Variants in SCART1 observed in about 807,000 individuals in gnomAD.
SCART1 encodes the protein scavenger receptor family member expressed on T cells 1.
SCART1 carries 62 observed loss-of-function variants against 36.2 expected under a neutral mutation model. That is an observed-to-expected ratio of 1.71 (90% CI 1.40 to 2.12). SCART1 has a LOEUF of 2.12. Ranked by LOEUF, SCART1 falls within the 30% of genes most tolerant of loss-of-function variation. SCART1 has a pLI of 0.00. For missense variants in SCART1, 1,041 were observed against 540.5 expected, an observed-to-expected ratio of 1.93 and a Z score of -9.18; for synonymous variants, 487 against 238.7, an observed-to-expected ratio of 2.04 and a Z score of -9.59.
chr10:133,468,292 G>A (rs909489189), exon 12 of SCART1: 4 of 208,092 alleles, frequency 1.9e-5, no homozygotes, highest in Non-Finnish European at 3.8e-5. Context: ...TCCACAGCTC[G>A]CTTCTGGCAC....
At chr10:133,457,229 T>C (rs780606188) in intron 2 of SCART1, 50 bp from the exon 3 acceptor site, 1 of 685,026 alleles carries the variant, frequency 1.5e-6, no homozygotes. Flanking sequence ...CGAGTGACCA[T>C]GCGGCCAGCT....
exon 6 of SCART1, chr10:133,459,804 G>A: frequency 1.5e-6 from 1 of 648,594 alleles, no homozygotes; most frequent in South Asian, 1.7e-5. Context: ...GGTGTGCTCC[G>A]GTGAGGTCGG....
chr10:133,460,472 A>ATATATATATATATATATATATTTTGTTT (rs1491383921), intron 6 of SCART1, among the ~76,000 whole-genome samples: 1,098 of 8,898 alleles, frequency 0.12, 27 homozygotes, highest in Middle Eastern at 0.55. Context: ...TCCGAAATTC[A>ATATATATATATATATATATATTTTGTTT]TATATATATA....
At chr10:133,457,289 C>T in exon 3 of SCART1, 1 of 700,884 alleles carries the variant, frequency 1.4e-6, no homozygotes, top group South Asian at 1.5e-5. Flanking sequence ...ACGGCACTTT[C>T]CGGGAGCTCC....
intron 6 of SCART1, among the ~76,000 whole-genome samples, chr10:133,460,649 C>T (rs1322198802): frequency 1.3e-5 from 2 of 151,698 alleles, no homozygotes; most frequent in Non-Finnish European, 1.5e-5. Flanking sequence ...GATCCTTCAG[C>T]CTCAGCCTCC....
At chr10:133,468,513 G>A (rs1850787212) in exon 12 of SCART1, 1 of 152,236 alleles carries the variant, frequency 6.6e-6, no homozygotes, top group Admixed American at 6.5e-5. Flanking sequence ...TCAGTCCAGT[G>A]TTGAAGAGAG....
At chr10:133,459,320 T>C in exon 5 of SCART1, 1 of 636,002 alleles carries the variant, frequency 1.6e-6, no homozygotes. Context: ...CTCCGCGGTC[T>C]GCTCAGGTGG....
Position 133,460,907 on chromosome 10 carries a change from G to A in SCART1, c.1969+737G>A, listed in dbSNP as rs190412109. Reference sequence around the variant, plus strand: ...GCATGTGCCACCATGTCTGGCTAACGTTTATTTTTGTAGAGATGGAGTTTC... The same window carrying A: ...GCATGTGCCACCATGTCTGGCTAACATTTATTTTTGTAGAGATGGAGTTTC... On this transcript the variant is annotated intron_variant, in intron 6 of 11. Transcript: ENST00000640237. Among the ~76,000 whole-genome samples the A allele has an allele frequency of 1.3e-3, 190 of 151,500 alleles. 1 individual carries two copies. Among genetic ancestry groups the A allele is most frequent in the Admixed American group, 1.0e-2 (152 of 15,210 alleles).
intron 6 of SCART1, among the ~76,000 whole-genome samples, chr10:133,461,999 A>G (rs554782931): frequency 7.2e-5 from 11 of 152,354 alleles, no homozygotes; most frequent in Non-Finnish European, 1.6e-4. Context: ...CATGTTGGGC[A>G]CAGCCAGTTC....
At chr10:133,459,060 G>A (rs1413847422) in exon 5 of SCART1, 22 of 699,970 alleles carry the variant, frequency 3.1e-5, no homozygotes, top group African/African-American at 8.7e-5. Flanking sequence ...TGTGAGGGCC[G>A]CGTGGAGTTC....
rs996023238 is a variant in SCART1, at chr10:133,466,360, G to A, written c.2785G>A (p.Val929Ile). ...CATGGCTTTTCTGATTCTGCCTCGA[G>A]TCACACAAGCCATGCAGAGGGGTAA... The change falls in exon 10 of 12, where the codon GTC (valine) becomes ATC (isoleucine). Residue 929 changes from valine (V) to isoleucine (I), a missense_variant. By Grantham distance (29) the Val-to-Ile change is conservative. Transcript: ENST00000640237. The A allele has an allele frequency of 7.1e-6, 5 of 702,824 alleles. No homozygotes were observed. The African/African-American group carries it at 8.7e-5, about 12-fold the overall frequency. 43.5% of individuals were successfully genotyped at this position (702,824 alleles called of 1,614,324 possible). A position where few individuals can be genotyped will look rare whatever the true frequency, so the allele number is the denominator to read the frequency against.
chr10:133,457,037 C>G (rs1381155583), intron 2 of SCART1: 2 of 558,218 alleles, frequency 3.6e-6, no homozygotes, highest in East Asian at 6.1e-5. Context: ...GACCTCCTAC[C>G]ATTTTGGGGC....
exon 4 of SCART1, chr10:133,458,630 G>A (rs1453394921): frequency 2.9e-6 from 2 of 699,834 alleles, no homozygotes; most frequent in South Asian, 3.0e-5. Flanking sequence ...TGTGGGCATG[G>A]TCACGACGCG....
At chr10:133,465,956 T>G in intron 9 of SCART1, 1 of 673,902 alleles carries the variant, frequency 1.5e-6, no homozygotes, top group Non-Finnish European at 2.7e-6. Flanking sequence ...CCATTCTCTG[T>G]GCTCTGGTCA....
intron 3 of SCART1, chr10:133,458,093 CT>C: frequency 3.0e-6 from 2 of 668,346 alleles, no homozygotes. Flanking sequence ...CTGTCATGGC[CT>C]CGGACAGGCA....
At chr10:133,464,049 T>C (rs1456912965) in intron 6 of SCART1, among the ~76,000 whole-genome samples, 1 of 152,158 alleles carries the variant, frequency 6.6e-6, no homozygotes, top group Non-Finnish European at 1.5e-5. Context: ...TAAGCTTCCA[T>C]TTATGAGTGA....
At chr10:133,458,696 C>T in intron 4 of SCART1, 40 bp downstream of exon 4, 1 of 698,646 alleles carries the variant, frequency 1.4e-6, no homozygotes, top group Non-Finnish European at 2.6e-6. Flanking sequence ...TCAGCCCTGC[C>T]TTGTTCTCTG....
chr10:133,467,810 G>T, intron 11 of SCART1, 37 bp from the exon 12 acceptor site: 2 of 635,866 alleles, frequency 3.1e-6, no homozygotes, highest in Middle Eastern at 4.9e-4. Context: ...CAACTTGCAC[G>T]TGTGCTGATT....
At chr10:133,468,807 C>G (rs1038941411) in exon 12 of SCART1, 1 of 151,844 alleles carries the variant, frequency 6.6e-6, no homozygotes, top group African/African-American at 2.4e-5. Context: ...ATATATTATT[C>G]TTTTTGTATT....
Sources: gnomAD v4.1 joint callset for allele counts (sites outside exome capture counted in the v4.1 genomes callset) on GRCh38, gnomAD v4.1.1 for gene constraint, MANE v1.5 for transcripts, NCBI Gene and HGNC (gene_info 2026-07-23, HGNC 2026-07-21) for gene names.